Variants in HID1 observed in about 807,000 individuals in gnomAD.
HID1 encodes the protein HID1 domain containing.
A neutral mutation model predicts 89.7 loss-of-function variants in HID1; 42 were observed. That is an observed-to-expected ratio of 0.47 (90% CI 0.37 to 0.61). The LOEUF is 0.61. Ranked by LOEUF, HID1 falls within the 20% of genes least tolerant of loss-of-function variation. HID1 has a pLI of 0.00. For synonymous variants in HID1, 442 were observed against 433.8 expected (o/e 1.02, Z -0.24); for missense variants, 854 against 1,039.3 (o/e 0.82, Z 2.45).
intron 12 of HID1, among the ~76,000 whole-genome samples, chr17:74,957,162 G>A (rs1047990368): frequency 1.4e-4 from 21 of 152,030 alleles, no homozygotes; most frequent in African/African-American, 4.8e-4. Flanking sequence ...GTGAGATCCC[G>A]TCACTATAAT....
At chr17:74,953,405 G>T in intron 15 of HID1, 140 bp downstream of exon 15, 1 of 665,662 alleles carries the variant, frequency 1.5e-6, no homozygotes, top group Non-Finnish European at 2.6e-6. Flanking sequence ...CAGCAGCGCT[G>T]ACCCTAATGC....
chr17:74,967,068 G>A (rs922533886), intron 1 of HID1, among the ~76,000 whole-genome samples: 12 of 150,450 alleles, frequency 8.0e-5, no homozygotes, highest in Non-Finnish European at 1.3e-4. Context: ...GTGAAACCCC[G>A]TCTCTACTAA....
At chr17:74,961,707 C>T in intron 6 of HID1, 166 bp downstream of exon 6, 1 of 398,402 alleles carries the variant, frequency 2.5e-6, no homozygotes. Flanking sequence ...TCGAGGACTC[C>T]AAGGAGAGAC....
At chr17:74,963,494 C>T in intron 3 of HID1, 1 of 557,040 alleles carries the variant, frequency 1.8e-6, no homozygotes, top group East Asian at 3.0e-5. Context: ...GCCCAGTGAC[C>T]CCTGGCTCTC....
chr17:74,951,731 C>A, intron 18 of HID1, 98 bp from the exon 19 acceptor site: 1 of 1,408,066 alleles, frequency 7.1e-7, no homozygotes, highest in East Asian at 2.4e-5. Flanking sequence ...CAACCCTTTC[C>A]ATCCCGATGT....
At chr17:74,954,415 C>A in intron 13 of HID1, 50 bp from the exon 14 acceptor site, 1 of 1,547,714 alleles carries the variant, frequency 6.5e-7, no homozygotes, top group South Asian at 1.2e-5. Flanking sequence ...TCCAGCTCCC[C>A]CCGTCCAATC....
Position 74,962,388 on chromosome 17 carries a change from C to T in HID1, c.505-48G>A. The T allele has an allele frequency of 7.4e-7, 1 of 1,354,124 alleles. No homozygotes were observed. Among genetic ancestry groups the T allele is most frequent in the Non-Finnish European group, 1.0e-6 (1 of 961,226 alleles). 83.9% of individuals were successfully genotyped at this position (1,354,124 alleles called of 1,614,324 possible). A position where few individuals can be genotyped will look rare whatever the true frequency, so the allele number is the denominator to read the frequency against. On this transcript the variant is annotated intron_variant, in intron 4 of 18. Transcript: ENST00000425042. This position sits in a 1 kb window ranked among gnomAD's most constrained non-coding sequence, Gnocchi z 4.3. ...CCGGGTTAGGGGGTCGAGAGGTGAA[C>T]AGCAGCCTGGGTCAGAACCTGGCCA...
chr17:74,965,448 G>C (rs2039548383), intron 1 of HID1, among the ~76,000 whole-genome samples: 1 of 152,158 alleles, frequency 6.6e-6, no homozygotes, highest in Non-Finnish European at 1.5e-5. Flanking sequence ...CGTGCACACA[G>C]ACACACATGC....
intron 6 of HID1, 87 bp downstream of exon 6, chr17:74,961,786 A>T: frequency 1.3e-6 from 1 of 752,978 alleles, no homozygotes; most frequent in Non-Finnish European, 2.0e-6. Flanking sequence ...CTCCCCTCAA[A>T]CGAGACCCAG....
At chr17:74,965,558 C>T (rs1484523201) in intron 1 of HID1, among the ~76,000 whole-genome samples, 1 of 152,194 alleles carries the variant, frequency 6.6e-6, no homozygotes, top group East Asian at 1.9e-4. Flanking sequence ...TCTCTCTTCC[C>T]CCTTCCCCTT....
At position 74,952,259 on chromosome 17, in the gene HID1, C is replaced by A; in HGVS notation, c.2144+10G>T. The A allele has an allele frequency of 5.6e-6, 9 of 1,611,492 alleles. No homozygotes were observed. The highest frequency in any genetic ancestry group is 1.3e-5 in the African/African-American group (1 of 74,944). ...CCCACAACCCCCGGCCCTGCCGGCG[C>A]CCGACTCACTTGTCAATGCAGATCT... On this transcript the variant is annotated intron_variant, in intron 17 of 18. Transcript: ENST00000425042.
rs751389935 is a variant in HID1, at chr17:74,964,573, C to T, written c.126G>A (p.Ser42=). The T allele has an allele frequency of 1.2e-5, 20 of 1,612,082 alleles. No individual in the cohort carries two copies. Among genetic ancestry groups the T allele is most frequent in the East Asian group, 1.1e-4 (5 of 44,838 alleles). ...WDQFWADTAT[S]VQDVFALVPA... is the part of the protein sequence containing the mutation. Reference sequence around the variant, plus strand: ...GCACCAGTGCAAACACATCCTGCACCGAGGTGGCTGTGTCTGCCCAGAACT... The same window carrying T: ...GCACCAGTGCAAACACATCCTGCACTGAGGTGGCTGTGTCTGCCCAGAACT... The change falls in exon 2 of 19, where the codon TCG becomes TCA. Residue 42 remains serine (S), a synonymous_variant. Coordinates refer to ENST00000425042, the MANE Select transcript of HID1 (RefSeq NM_030630.3).
intron 14 of HID1, 95 bp downstream of exon 14, chr17:74,954,043 G>T: frequency 8.3e-7 from 1 of 1,202,184 alleles, no homozygotes; most frequent in Non-Finnish European, 1.2e-6. Context: ...CATAAGCCAT[G>T]CTCTTTGCCA....
chr17:74,969,919 T>C (rs1202517493), intron 1 of HID1, among the ~76,000 whole-genome samples: 2 of 78,458 alleles, frequency 2.5e-5, no homozygotes, highest in African/African-American at 3.9e-5. Context: ...ATTTTTCTTT[T>C]TTCTTTTTTT....
chr17:74,958,174 G>T lies in HID1; in HGVS notation c.1438C>A (p.Leu480Ile). 1 of 1,611,194 alleles carries T rather than the reference G, an allele frequency of 6.2e-7. No individual in the cohort carries two copies. Among genetic ancestry groups the T allele is most frequent in the Non-Finnish European group, 8.5e-7 (1 of 1,178,958 alleles). Reference sequence around the variant, plus strand: ...ACGATGGTGAGCAGGCAGTCGAAGAGGGGCTGCAACCGCTGGTGCCCGCTG... The same window carrying T: ...ACGATGGTGAGCAGGCAGTCGAAGATGGGCTGCAACCGCTGGTGCCCGCTG... ...ITSGHQRLQP[L>I]FDCLLTIVVN... The change falls in exon 12 of 19, where the codon CTC (leucine) becomes ATC (isoleucine). Residue 480 changes from leucine to isoleucine, a missense_variant. Transcript: ENST00000425042. The surrounding 1 kb of genome is among the most constrained non-coding windows in gnomAD (Gnocchi z 5.2).
At chr17:74,954,559 TC>T in intron 13 of HID1, 194 bp from the exon 14 acceptor site, 1 of 943,768 alleles carries the variant, frequency 1.1e-6, no homozygotes, top group Non-Finnish European at 1.6e-6. Flanking sequence ...ACTATGGCTA[TC>T]CCAGAATGTC....
At position 74,950,762 on chromosome 17, in the gene HID1, T is replaced by TGTAAAGAGGC. The variant is rs2039284452; in HGVS notation, c.*798_*807dup. The TGTAAAGAGGC allele has an allele frequency of 6.6e-6, 1 of 152,162 alleles. No homozygotes were observed. Among genetic ancestry groups the TGTAAAGAGGC allele is most frequent in the African/African-American group, 2.4e-5 (1 of 41,370 alleles). 9.4% of individuals were successfully genotyped at this position (152,162 alleles called of 1,614,324 possible). On this transcript the variant is annotated 3_prime_UTR_variant, in exon 19 of 19. Coordinates refer to ENST00000425042, the MANE Select transcript of HID1 (RefSeq NM_030630.3). ...CAGAATGTGGAGCAGGAGGTTTTAT[T>TGTAAAGAGGC]GTAAAGAGGCCGATTGTACAGAGCA...
At position 74,960,225 on chromosome 17, in the gene HID1, G is replaced by GT; in HGVS notation, c.751_752insA (p.Ser251TyrfsTer10). The GT allele has an allele frequency of 6.2e-7, 1 of 1,611,692 alleles. No homozygotes were observed. Among genetic ancestry groups the GT allele is most frequent in the Non-Finnish European group, 8.5e-7 (1 of 1,179,966 alleles). ...ATAGGCACACACGGTGTTGAGGAGG[G>GT]AGGTGAAGAGGGGCAGGGCATGTCT... On this transcript the variant is annotated frameshift_variant, in exon 7 of 19. Coordinates refer to ENST00000425042, the MANE Select transcript of HID1 (RefSeq NM_030630.3). LOFTEE classifies it high-confidence loss of function.
chr17:74,966,283 CAAAAAAA>C (rs34312915), intron 1 of HID1, among the ~76,000 whole-genome samples: 2,647 of 71,124 alleles, frequency 0.037, 83 homozygotes, highest in African/African-American at 0.13. Flanking sequence ...GACTCTGTCT[CAAAAAAA>C]AAAAAAAAAA....
Sources: gnomAD v4.1 joint callset for allele counts (sites outside exome capture counted in the v4.1 genomes callset) on GRCh38, gnomAD v4.1.1 for gene constraint, Gnocchi (gnomAD v3.1) non-coding constraint, MANE v1.5 for transcripts, NCBI Gene and HGNC (gene_info 2026-07-23, HGNC 2026-07-21) for gene names.